Variants in STAT4 observed in about 807,000 individuals in gnomAD.
The protein encoded by STAT4 is signal transducer and activator of transcription 4.
A neutral mutation model predicts 110.5 loss-of-function variants in STAT4; 42 were observed. That is an observed-to-expected ratio of 0.38 (90% CI 0.30 to 0.49). The LOEUF (loss-of-function observed/expected upper bound fraction) is 0.49, where lower values mean the gene tolerates loss of function less well. STAT4 is among the 20% of genes least tolerant of loss of function. The probability of loss-of-function intolerance (pLI) is 0.95; values close to 1 mark genes in which losing one functional copy is unlikely to be tolerated. For synonymous variants in STAT4, 284 were observed against 302.2 expected (o/e 0.94, Z 0.63); for missense variants, 632 against 887.9 (o/e 0.71, Z 3.66).
In STAT4 at chr2:191,073,265, T is replaced by C. The variant is rs926319581; in HGVS notation, c.373-75A>G. ...TGAATGCAATACATACCGCATACAA[T>C]TCGACCTGAGGTCTGGATCAATGTG... On this transcript the variant is annotated intron_variant, in intron 4 of 23. Coordinates refer to ENST00000392320, the MANE Select transcript of STAT4 (RefSeq NM_003151.4). 1.8e-5 allele frequency: 22 copies of C among 1,236,882 alleles called. 1 individual carries two copies. The highest frequency in any genetic ancestry group is 1.9e-4 in the Middle Eastern group (1 of 5,274). The allele number at this position is 1,236,882 out of a possible 1,614,324, so 76.6% of individuals were successfully genotyped here.
chr2:191,043,899 A>C lies in STAT4; in HGVS notation c.1252-2751T>G, dbSNP rs1696276355. 6.6e-6 allele frequency among the ~76,000 whole-genome samples: 1 copy of C among 152,154 alleles called. No homozygotes were observed. ...AAATCTAAATTTATAATACAGAATA[A>C]TATAAAGTATATAGAAACATATTCA... is the stretch of plus-strand genomic sequence containing the variant. On this transcript the variant is annotated intron_variant, in intron 14 of 23. Coordinates refer to ENST00000392320, the MANE Select transcript of STAT4 (RefSeq NM_003151.4). This position sits in a 1 kb window ranked among gnomAD's most constrained non-coding sequence, Gnocchi z 4.8.
chr2:191,070,290 T>C (rs1697108875), intron 5 of STAT4, among the ~76,000 whole-genome samples: 1 of 152,190 alleles, frequency 6.6e-6, no homozygotes, highest in Non-Finnish European at 1.5e-5. Context: ...TTACTTTACT[T>C]TTCCCCAAAC....
Position 191,117,550 on chromosome 2 carries a change from T to C in STAT4, c.273+29063A>G, listed in dbSNP as rs1698604541. Among the ~76,000 whole-genome samples the C allele has an allele frequency of 6.6e-6, 1 of 152,144 alleles. No homozygotes were observed. The highest frequency in any genetic ancestry group is 1.5e-5 in the Non-Finnish European group (1 of 68,032). On this transcript the variant is annotated intron_variant, in intron 3 of 23. Transcript: ENST00000392320. This position sits in a 1 kb window ranked among gnomAD's most constrained non-coding sequence, Gnocchi z 5.2. ...GTGTCAGGATGAGTTGTTTGGACAC[T>C]AAGTGCTGTGGGAGTGCAGAGGAGA...
chr2:191,074,918 T>C (rs998128802), intron 4 of STAT4, among the ~76,000 whole-genome samples: 1 of 152,176 alleles, frequency 6.6e-6, no homozygotes, highest in Non-Finnish European at 1.5e-5. Flanking sequence ...CCCAGCACTT[T>C]GGGAGGTCAA....
chr2:191,084,666 GA>G (rs1341504274), intron 3 of STAT4, among the ~76,000 whole-genome samples: 1 of 151,978 alleles, frequency 6.6e-6, no homozygotes. Context: ...AAAGGTTTGA[GA>G]AAAATTAATC....
chr2:191,084,453 A>G (rs967599319), intron 3 of STAT4, among the ~76,000 whole-genome samples: 1 of 152,154 alleles, frequency 6.6e-6, no homozygotes, highest in Non-Finnish European at 1.5e-5. Context: ...GTTATTAAGA[A>G]TTGACATTAC....
At chr2:191,038,884 T>G (rs1696114667) in intron 16 of STAT4, among the ~76,000 whole-genome samples, 1 of 152,224 alleles carries the variant, frequency 6.6e-6, no homozygotes, top group Non-Finnish European at 1.5e-5. Flanking sequence ...GTAAGAAGTT[T>G]CCTTCAGCTT....
At chr2:191,136,687 G>T (rs1157361092) in intron 3 of STAT4, among the ~76,000 whole-genome samples, 1 of 151,444 alleles carries the variant, frequency 6.6e-6, no homozygotes, top group Non-Finnish European at 1.5e-5. Context: ...GGAGGCGCAG[G>T]TTGCAGTGGG....
At chr2:191,045,182 A>T (rs960816772) in intron 14 of STAT4, among the ~76,000 whole-genome samples, 3 of 152,216 alleles carry the variant, frequency 2.0e-5, no homozygotes, top group African/African-American at 7.2e-5. Flanking sequence ...TTTACAGCTC[A>T]AAAAATAATC....
intron 3 of STAT4, among the ~76,000 whole-genome samples, chr2:191,119,664 T>C (rs113248129): frequency 1.8e-4 from 28 of 152,280 alleles, no homozygotes; most frequent in African/African-American, 6.5e-4. Context: ...TTTGTTGAAA[T>C]TGTCAAGCTA....
At chr2:191,092,914 G>A (rs1322966178) in intron 3 of STAT4, among the ~76,000 whole-genome samples, 1 of 152,206 alleles carries the variant, frequency 6.6e-6, no homozygotes, top group Admixed American at 6.5e-5. Context: ...TGGCTCGGTG[G>A]GTCCCATGCC....
intron 3 of STAT4, among the ~76,000 whole-genome samples, chr2:191,094,614 C>A (rs956399814): frequency 6.6e-6 from 1 of 152,046 alleles, no homozygotes; most frequent in Non-Finnish European, 1.5e-5. Context: ...AGGGAACAAC[C>A]GGTACCAGCC....
chr2:191,074,374 C>T (rs1050245029), intron 4 of STAT4, among the ~76,000 whole-genome samples: 1 of 152,222 alleles, frequency 6.6e-6, no homozygotes, highest in Non-Finnish European at 1.5e-5. Flanking sequence ...GTATACCACA[C>T]TCTTACAATT....
At chr2:191,131,864 G>A (rs867277694) in intron 3 of STAT4, 4 of 1,461,626 alleles carry the variant, frequency 2.7e-6, no homozygotes, top group Non-Finnish European at 2.7e-6. Context: ...TCTCCATGTC[G>A]ATCCAAGGGC....
chr2:191,054,666 A>C, intron 13 of STAT4, 132 bp from the exon 14 acceptor site: 1 of 712,924 alleles, frequency 1.4e-6, no homozygotes, highest in Non-Finnish European at 2.3e-6. Flanking sequence ...TTTCAAACTC[A>C]TTGAAACCTG....
rs530278225 is a variant in STAT4, at chr2:191,039,292, G to A, written c.1341C>T (p.Ser447=). Residue 447 remains serine, a synonymous_variant, in exon 16 of 24, where the codon AGC becomes AGT. Transcript: ENST00000392320. The surrounding 1 kb of genome is among the most constrained non-coding windows in gnomAD (Gnocchi z 4.7). The stretch of plus-strand genomic sequence containing the variant: ...TGGAAATCATCACCACAGGCAATGA[G>A]CTGGTCTGGTTTGGGGGGAAAAAAG... ...LYGLTIDLET[S]SLPVVMISNV... is the part of the protein sequence containing the mutation. 2 of 1,613,986 alleles carry A rather than the reference G, an allele frequency of 1.2e-6. No individual in the cohort carries two copies. The highest frequency in any genetic ancestry group is 1.7e-6 in the Non-Finnish European group (2 of 1,179,952).
rs1695875183 is a variant in STAT4 at position 191,030,963 on chromosome 2, G to A, written c.2220+9C>T. ...CTTTGACCAGCAATGGAAAATAAAG[G>A]GAACATACTGCAGTTTCAATTGTTG... is the stretch of plus-strand genomic sequence containing the variant. On this transcript the variant is annotated intron_variant, in intron 23 of 23. Coordinates refer to ENST00000392320, the MANE Select transcript of STAT4 (RefSeq NM_003151.4). The surrounding 1 kb of genome is among the most constrained non-coding windows in gnomAD (Gnocchi z 4.4). The A allele has an allele frequency of 6.2e-7, 1 of 1,611,238 alleles. No homozygotes were observed. The highest frequency in any genetic ancestry group is 1.1e-5 in the South Asian group (1 of 91,022).
At chr2:191,085,223 C>T (rs1048209581) in intron 3 of STAT4, among the ~76,000 whole-genome samples, 2 of 151,788 alleles carry the variant, frequency 1.3e-5, no homozygotes, top group African/African-American at 4.8e-5. Flanking sequence ...TTTATAGTGA[C>T]TTGTGGTCCT....
Position 191,058,154 on chromosome 2 carries a change from T to A in STAT4, c.1113-43A>T. ...GCTATTTACATGGTCTCAGGTAAAA[T>A]AAATTTACAAGAGCAGCAACAAAGT... On this transcript the variant is annotated intron_variant, in intron 12 of 23. Transcript: ENST00000392320. This position sits in a 1 kb window ranked among gnomAD's most constrained non-coding sequence, Gnocchi z 4.3. 6.2e-7 allele frequency: 1 copy of A among 1,613,638 alleles called. No homozygotes were observed. Among genetic ancestry groups the A allele is most frequent in the South Asian group, 1.1e-5 (1 of 91,072 alleles).
Sources: gnomAD v4.1 joint callset for allele counts (sites outside exome capture counted in the v4.1 genomes callset) on GRCh38, gnomAD v4.1.1 for gene constraint, Gnocchi (gnomAD v3.1) non-coding constraint, MANE v1.5 for transcripts, NCBI Gene and HGNC (gene_info 2026-07-23, HGNC 2026-07-21) for gene names.